Variants in PLXNA2 observed in about 807,000 individuals in gnomAD.
The protein encoded by PLXNA2 is plexin-A2.
A neutral mutation model predicts 193.5 loss-of-function variants in PLXNA2; 91 were observed. The observed-to-expected ratio is 0.47, with a 90% CI of 0.40 to 0.56. The LOEUF is 0.56. Ranked by LOEUF, PLXNA2 falls within the 20% of genes least tolerant of loss-of-function variation. PLXNA2 has a pLI of 0.00. For missense variants in PLXNA2, 1,995 were observed against 2,503.2 expected (o/e 0.80, Z 4.33); for synonymous variants, 997 against 1,027.3 (o/e 0.97, Z 0.56).
At chr1:208,137,980 G>T (rs1258163291) in intron 4 of PLXNA2, among the ~76,000 whole-genome samples, 1 of 152,134 alleles carries the variant, frequency 6.6e-6, no homozygotes, top group African/African-American at 2.4e-5. Flanking sequence ...GGCAAGGGTT[G>T]GGGCAGGGTG....
chr1:208,030,216 CA>C (rs930086557), intron 29 of PLXNA2: 2 of 985,462 alleles, frequency 2.0e-6, no homozygotes, highest in Non-Finnish European at 2.4e-6. Context: ...CTTCTTCTGG[CA>C]GCCTTGGGTA....
chr1:208,079,156 A>T, intron 12 of PLXNA2, 104 bp downstream of exon 12: 1 of 977,526 alleles, frequency 1.0e-6, no homozygotes, highest in Non-Finnish European at 1.5e-6. Context: ...AACTCACTGT[A>T]CGCCAATAAT....
intron 1 of PLXNA2, among the ~76,000 whole-genome samples, chr1:208,243,417 G>A (rs1672126694): frequency 6.6e-6 from 1 of 151,960 alleles, no homozygotes; most frequent in African/African-American, 2.4e-5. Flanking sequence ...AGCCCTCGGC[G>A]GGAGGCAGCG....
At chr1:208,162,151 G>GA (rs1055114256) in intron 3 of PLXNA2, among the ~76,000 whole-genome samples, 11 of 152,210 alleles carry the variant, frequency 7.2e-5, no homozygotes, top group African/African-American at 2.4e-4. Context: ...TGGGAAGGTA[G>GA]AAAAACCTGC....
chr1:208,195,652 G>A (rs7520774), intron 3 of PLXNA2, among the ~76,000 whole-genome samples: 13 of 106,542 alleles, frequency 1.2e-4, no homozygotes, highest in African/African-American at 3.9e-4. Context: ...AATGTTTTTT[G>A]GGGGGGGGGG....
chr1:208,200,577 C>CTT lies in PLXNA2; in HGVS notation c.1371+9701_1371+9702dup, dbSNP rs36026400. On this transcript the variant is annotated intron_variant, in intron 3 of 31. Coordinates refer to ENST00000367033, the MANE Select transcript of PLXNA2 (RefSeq NM_025179.4). ...AGAGCAGTGAAATATCCCAATCCTTCTTTTTTTTTTTTTTTTTTTTTTTCT... is the reference window on the plus strand; with the variant it reads ...AGAGCAGTGAAATATCCCAATCCTTCTTTTTTTTTTTTTTTTTTTTTTTTTCT... 4.7e-3 allele frequency among the ~76,000 whole-genome samples: 531 copies of CTT among 113,988 alleles called. 7 individuals carry two copies. The highest frequency in any genetic ancestry group is 6.1e-3 in the East Asian group (21 of 3,438). 74.8% of individuals were successfully genotyped at this position (113,988 alleles called of 152,430 possible). A position where few individuals can be genotyped will look rare whatever the true frequency, so the allele number is the denominator to read the frequency against.
chr1:208,121,716 C>T (rs1466941929), intron 4 of PLXNA2, among the ~76,000 whole-genome samples: 1 of 152,152 alleles, frequency 6.6e-6, no homozygotes, highest in Non-Finnish European at 1.5e-5. Flanking sequence ...TTCTTTATAG[C>T]AGCATGAGAA....
chr1:208,029,478 G>C, intron 29 of PLXNA2: 1 of 1,012,394 alleles, frequency 9.9e-7, no homozygotes, highest in Non-Finnish European at 1.2e-6. Flanking sequence ...GCTCAGCCTC[G>C]GAGCAGGCAC....
intron 3 of PLXNA2, among the ~76,000 whole-genome samples, chr1:208,160,647 G>T (rs914696360): frequency 6.6e-6 from 1 of 152,192 alleles, no homozygotes; most frequent in African/African-American, 2.4e-5. Context: ...GCACAGATTT[G>T]GTTTTGGTCT....
At chr1:208,040,281 G>A in intron 22 of PLXNA2, 1 of 574,046 alleles carries the variant, frequency 1.7e-6, no homozygotes, top group East Asian at 2.9e-5. Flanking sequence ...AAAATGGAGA[G>A]GTTGGCCTTT....
chr1:208,188,614 C>G (rs1325344626), intron 3 of PLXNA2, among the ~76,000 whole-genome samples: 1 of 150,728 alleles, frequency 6.6e-6, no homozygotes, highest in African/African-American at 2.4e-5. Context: ...GAGGCTGAGG[C>G]AGGAGAATTG....
chr1:208,057,235 A>T (rs1263774147), intron 13 of PLXNA2, among the ~76,000 whole-genome samples: 1 of 152,204 alleles, frequency 6.6e-6, no homozygotes, highest in Admixed American at 6.5e-5. Flanking sequence ...CATTGTACAG[A>T]CAATGAAACT....
At chr1:208,235,447 C>T (rs73082044) in intron 1 of PLXNA2, among the ~76,000 whole-genome samples, 1 of 152,278 alleles carries the variant, frequency 6.6e-6, no homozygotes, top group East Asian at 1.9e-4. Context: ...ACCCTCTTCC[C>T]GGGCCTGGCT....
In PLXNA2 at chr1:208,046,030, G is replaced by T. The variant is rs376838500; in HGVS notation, c.3343C>A (p.Arg1115Ser). 6.2e-7 allele frequency: 1 copy of T among 1,614,268 alleles called. No homozygotes were observed. The highest frequency in any genetic ancestry group is 1.3e-5 in the African/African-American group (1 of 75,072). ...AAGACAAATCCAAACTCATCTGGGC[G>T]TTCCACAGTGTCCAGGCCAGGGCGG... Reference protein sequence around the residue: ...DYRPGLDTVERPDEFGFVFNN... With the variant: ...DYRPGLDTVESPDEFGFVFNN... The change falls in exon 18 of 32, where the codon CGC (arginine) becomes AGC (serine). Residue 1115 changes from arginine to serine, a missense_variant. Around this residue, in one of 3 missense-constraint regions of PLXNA2, gnomAD observed 1,291 missense variants for 1,673.6 expected, o/e 0.77. Transcript: ENST00000367033.
At chr1:208,234,814 G>A (rs1009691416) in intron 1 of PLXNA2, among the ~76,000 whole-genome samples, 3 of 152,190 alleles carry the variant, frequency 2.0e-5, no homozygotes, top group Non-Finnish European at 4.4e-5. Context: ...CAGATCAAGA[G>A]AGTGTGGCGG....
intron 3 of PLXNA2, among the ~76,000 whole-genome samples, chr1:208,180,073 C>T (rs1158991480): frequency 6.6e-6 from 1 of 152,206 alleles, no homozygotes; most frequent in East Asian, 1.9e-4. Flanking sequence ...GCACAAGGCC[C>T]CCTGTCATCA....
intron 1 of PLXNA2, among the ~76,000 whole-genome samples, chr1:208,240,482 G>A (rs762947136): frequency 5.5e-4 from 83 of 152,050 alleles, no homozygotes; most frequent in Non-Finnish European, 3.2e-4. Context: ...TCTTTGTAAC[G>A]AAGTGAAAAA....
intron 12 of PLXNA2, among the ~76,000 whole-genome samples, chr1:208,064,088 G>T (rs1665705269): frequency 6.6e-6 from 1 of 152,100 alleles, no homozygotes; most frequent in Non-Finnish European, 1.5e-5. Flanking sequence ...CAGGAATTCT[G>T]TAAGCACCTT....
intron 12 of PLXNA2, among the ~76,000 whole-genome samples, chr1:208,066,945 A>G (rs1665816444): frequency 6.6e-6 from 1 of 152,278 alleles, no homozygotes. Flanking sequence ...GAATAAGGAT[A>G]TAAAGAAAGA....
Sources: allele counts gnomAD v4.1 joint callset (sites outside exome capture counted in the v4.1 genomes callset), GRCh38; gene constraint gnomAD v4.1.1; regional missense constraint gnomAD v4.1.1; transcripts MANE v1.5; gene names NCBI Gene and HGNC (gene_info 2026-07-23, HGNC 2026-07-21).